ADAM9: variants seen among roughly 807,000 people sequenced by gnomAD.
ADAM9 encodes disintegrin and metalloproteinase domain-containing protein 9.
A neutral mutation model predicts 108.1 loss-of-function variants in ADAM9; 54 were observed. The observed-to-expected ratio is 0.50, with a 90% CI of 0.40 to 0.63. The LOEUF (loss-of-function observed/expected upper bound fraction) is 0.63, where lower values mean the gene tolerates loss of function less well. ADAM9 is among the 20% of genes least tolerant of loss of function. The pLI, the probability that ADAM9 is intolerant of heterozygous loss-of-function variation, is 0.00. For missense variants in ADAM9, 830 were observed against 997.7 expected, an observed-to-expected ratio of 0.83 and a Z score of 2.26; for synonymous variants, 316 against 336.0, an observed-to-expected ratio of 0.94 and a Z score of 0.65.
chr8:39,045,240 A>G (rs1237532791), intron 12 of ADAM9, among the ~76,000 whole-genome samples: 5 of 147,536 alleles, frequency 3.4e-5, no homozygotes, highest in African/African-American at 7.4e-5. Context: ...ATATATGTGT[A>G]TACATACATA....
At chr8:39,100,714 AGCCAGAGGGT>A (rs1403316829) in intron 20 of ADAM9, among the ~76,000 whole-genome samples, 2 of 152,198 alleles carry the variant, frequency 1.3e-5, no homozygotes, top group East Asian at 3.9e-4. Context: ...CTATGGTAGA[AGCCAGAGGGT>A]GCTCAAGGTC....
At chr8:39,022,783 G>C (rs571941473) in intron 8 of ADAM9, among the ~76,000 whole-genome samples, 1 of 151,782 alleles carries the variant, frequency 6.6e-6, no homozygotes, top group Admixed American at 6.6e-5. Flanking sequence ...GCGCAATCTC[G>C]GCTCACTGCA....
chr8:39,064,297 A>G (rs1292013830), intron 14 of ADAM9, among the ~76,000 whole-genome samples: 1 of 152,228 alleles, frequency 6.6e-6, no homozygotes, highest in East Asian at 1.9e-4. Context: ...AGCCCATTCT[A>G]GAAACCTTGG....
At chr8:39,047,500 AT>A (rs1350423894) in intron 12 of ADAM9, among the ~76,000 whole-genome samples, 1 of 151,562 alleles carries the variant, frequency 6.6e-6, no homozygotes, top group African/African-American at 2.4e-5. Context: ...GTTCAGACTT[AT>A]TTCTTTATGA....
At chr8:39,014,299 C>A (rs2129432835) in intron 4 of ADAM9, 1 of 556,694 alleles carries the variant, frequency 1.8e-6, no homozygotes, top group Non-Finnish European at 3.1e-6. Flanking sequence ...TAATGGTAAT[C>A]CTTACTGATG....
rs548790031 is a variant in ADAM9, at chr8:39,103,724, A to G, written c.*24A>G. On this transcript the variant is annotated 3_prime_UTR_variant, in exon 22 of 22. Transcript: ENST00000487273. The stretch of plus-strand genomic sequence containing the variant: ...GATTTTTTTAACCTTCTTTTTGCAA[A>G]TGTCTTCAGGGAACTGAGCTAATAC... The G allele has an allele frequency of 2.5e-6, 4 of 1,600,248 alleles. No individual in the cohort carries two copies. The highest frequency in any genetic ancestry group is 2.2e-5 in the East Asian group (1 of 44,788).
intron 9 of ADAM9, among the ~76,000 whole-genome samples, chr8:39,023,642 G>A (rs1367859893): frequency 4.0e-5 from 6 of 151,672 alleles, no homozygotes; most frequent in Admixed American, 1.3e-4. Context: ...TCCCAGTTTC[G>A]GAACAGAATT....
intron 13 of ADAM9, 143 bp downstream of exon 13, chr8:39,054,716 G>A: frequency 1.5e-6 from 1 of 663,700 alleles, no homozygotes. Context: ...TGCCACTTGT[G>A]TATAATTTTA....
intron 2 of ADAM9, among the ~76,000 whole-genome samples, chr8:39,009,150 T>A (rs564692146): frequency 4.3e-4 from 66 of 152,350 alleles, no homozygotes; most frequent in African/African-American, 1.5e-3. Context: ...CAACTCCATT[T>A]ACATCTCTCC....
At chr8:39,022,169 T>TC (rs1836768395) in intron 8 of ADAM9, among the ~76,000 whole-genome samples, 1 of 151,688 alleles carries the variant, frequency 6.6e-6, no homozygotes, top group South Asian at 2.1e-4. Flanking sequence ...GTGGGAGATA[T>TC]TAAAGAATTA....
intron 12 of ADAM9, among the ~76,000 whole-genome samples, chr8:39,050,688 C>T (rs574696835): frequency 5.3e-5 from 8 of 152,038 alleles, no homozygotes; most frequent in African/African-American, 1.7e-4. Flanking sequence ...TTGTTGTTAG[C>T]GCTCAGTGTC....
chr8:39,045,906 G>A (rs1027223118), intron 12 of ADAM9, among the ~76,000 whole-genome samples: 9 of 150,432 alleles, frequency 6.0e-5, no homozygotes, highest in African/African-American at 2.2e-4. Context: ...TTTAATGATA[G>A]CCATTCTGAC....
rs1461147132 is a variant in ADAM9, at chr8:39,011,683, G to A, written c.221G>A (p.Gly74Glu). 1.2e-6 allele frequency: 2 copies of A among 1,611,852 alleles called. No homozygotes were observed. Among genetic ancestry groups the A allele is most frequent in the South Asian group, 1.1e-5 (1 of 91,040 alleles). Residue 74 changes from glycine to glutamate, a missense_variant, in exon 3 of 22, where the codon GGA becomes GAA. This residue lies in a region of ADAM9 where 211 missense variants were observed against 222.2 expected (regional missense o/e 0.95). Transcript: ENST00000487273. ...GTATCTTATGTTATTCAGGCTGAAG[G>A]AAAAGAGCATATTATTCACTTGGAA... is the stretch of plus-strand genomic sequence containing the variant. ...KQVSYVIQAE[G>E]KEHIIHLERN...
At chr8:39,076,626 G>T (rs1226279259) in intron 15 of ADAM9, among the ~76,000 whole-genome samples, 1 of 152,140 alleles carries the variant, frequency 6.6e-6, no homozygotes, top group Non-Finnish European at 1.5e-5. Flanking sequence ...TACCTAGAGT[G>T]TTATGAAAGG....
chr8:39,036,353 T>C (rs778445811), intron 11 of ADAM9, among the ~76,000 whole-genome samples: 4 of 129,858 alleles, frequency 3.1e-5, no homozygotes, highest in Non-Finnish European at 6.6e-5. Context: ...TACCAGCACT[T>C]AGAATCTTCT....
At chr8:39,060,086 G>C (rs1012424242) in intron 14 of ADAM9, among the ~76,000 whole-genome samples, 1 of 152,202 alleles carries the variant, frequency 6.6e-6, no homozygotes, top group Admixed American at 6.5e-5. Flanking sequence ...GGCAACTCAG[G>C]TTGAATGGTA....
chr8:39,079,526 T>C (rs1838953776), intron 16 of ADAM9, among the ~76,000 whole-genome samples: 1 of 152,226 alleles, frequency 6.6e-6, no homozygotes, highest in Non-Finnish European at 1.5e-5. Flanking sequence ...GAATATTAAC[T>C]GTCAGTCAGT....
chr8:39,010,604 ATCTCTTAGT>A (rs1836323829), intron 2 of ADAM9, among the ~76,000 whole-genome samples: 1 of 152,266 alleles, frequency 6.6e-6, no homozygotes, highest in Non-Finnish European at 1.5e-5. Flanking sequence ...GCGAAGTCAC[ATCTCTTAGT>A]TCCAGAGATC....
intron 14 of ADAM9, among the ~76,000 whole-genome samples, chr8:39,057,989 T>C (rs901977624): frequency 6.6e-5 from 10 of 152,142 alleles, no homozygotes; most frequent in Non-Finnish European, 1.3e-4. Flanking sequence ...ATGTGGACCT[T>C]GTTAAGGGCA....
Sources: allele counts gnomAD v4.1 joint callset (sites outside exome capture counted in the v4.1 genomes callset), GRCh38; gene constraint gnomAD v4.1.1; regional missense constraint gnomAD v4.1.1; transcripts MANE v1.5; gene names NCBI Gene and HGNC (gene_info 2026-07-23, HGNC 2026-07-21).